MPPED2: variants seen among roughly 807,000 people sequenced by gnomAD.
MPPED2 encodes the protein metallophosphoesterase domain containing 2, also known as metallophosphoesterase MPPED2.
Under a neutral mutation model 33.0 loss-of-function variants are expected in MPPED2, and 5 were observed. The observed-to-expected ratio is 0.15, with a 90% CI of 0.08 to 0.32. The LOEUF is 0.32. Ranked by LOEUF, MPPED2 falls within the 10% of genes least tolerant of loss-of-function variation. The pLI, the probability that MPPED2 is intolerant of heterozygous loss-of-function variation, is 1.00. For missense variants in MPPED2, 275 were observed against 372.1 expected, an observed-to-expected ratio of 0.74 and a Z score of 2.15; for synonymous variants, 136 against 141.9, an observed-to-expected ratio of 0.96 and a Z score of 0.29.
chr11:30,473,068 A>G (rs1337297594), intron 4 of MPPED2, among the ~76,000 whole-genome samples: 1 of 152,214 alleles, frequency 6.6e-6, no homozygotes, highest in African/African-American at 2.4e-5. Context: ...GGTTAAAAAA[A>G]GTTTAAAAGC....
At chr11:30,531,428 G>A (rs1259180237) in intron 3 of MPPED2, among the ~76,000 whole-genome samples, 1 of 152,156 alleles carries the variant, frequency 6.6e-6, no homozygotes. Context: ...TCTGATATAG[G>A]GATTCAAAGT....
At chr11:30,511,206 CCA>C (rs1434502515) in intron 3 of MPPED2, among the ~76,000 whole-genome samples, 2 of 152,112 alleles carry the variant, frequency 1.3e-5, no homozygotes, top group Non-Finnish European at 2.9e-5. Flanking sequence ...CATGAAATGA[CCA>C]CAGTCTTTCT....
downstream of MPPED2, among the ~76,000 whole-genome samples, chr11:30,408,503 G>A (rs904442134): frequency 6.6e-6 from 1 of 152,080 alleles, no homozygotes; most frequent in African/African-American, 2.4e-5. Context: ...GTAGAGACGG[G>A]GTTTCACCAT....
intron 4 of MPPED2, among the ~76,000 whole-genome samples, chr11:30,439,664 A>G (rs2133889465): frequency 6.6e-6 from 1 of 152,358 alleles, no homozygotes; most frequent in Non-Finnish European, 1.5e-5. Flanking sequence ...TAAGCATACT[A>G]TATAATACAT....
intron 3 of MPPED2, among the ~76,000 whole-genome samples, chr11:30,516,527 A>G (rs1344940482): frequency 6.6e-6 from 1 of 152,218 alleles, no homozygotes; most frequent in East Asian, 1.9e-4. Context: ...AGCAGGAGGC[A>G]CGGCTTAGGA....
intron 4 of MPPED2, among the ~76,000 whole-genome samples, chr11:30,441,885 C>A (rs186085049): frequency 6.6e-6 from 1 of 152,266 alleles, no homozygotes; most frequent in African/African-American, 2.4e-5. Flanking sequence ...TATTCACAAC[C>A]CATGAAACTG....
chr11:30,436,782 C>A (rs150966380), intron 4 of MPPED2, among the ~76,000 whole-genome samples: 1 of 152,096 alleles, frequency 6.6e-6, no homozygotes, highest in African/African-American at 2.4e-5. Context: ...CCCATTAAGT[C>A]CTAGATGGAT....
chr11:30,431,786 T>C (rs745696161), intron 4 of MPPED2, among the ~76,000 whole-genome samples: 1 of 152,264 alleles, frequency 6.6e-6, no homozygotes, highest in Non-Finnish European at 1.5e-5. Context: ...TTCTATATAA[T>C]GTGATATTGA....
chr11:30,528,053 T>C (rs1954300521), intron 3 of MPPED2, among the ~76,000 whole-genome samples: 1 of 152,196 alleles, frequency 6.6e-6, no homozygotes, highest in Admixed American at 6.5e-5. Context: ...GAATTAATAA[T>C]GTTGAAACCA....
chr11:30,514,266 G>T (rs979814691), intron 3 of MPPED2, among the ~76,000 whole-genome samples: 6 of 152,190 alleles, frequency 3.9e-5, no homozygotes, highest in East Asian at 1.9e-4. Flanking sequence ...ATGAAGAAAA[G>T]TCTGTGGATG....
intron 3 of MPPED2, among the ~76,000 whole-genome samples, chr11:30,515,378 G>A (rs529490): frequency 0.79 from 120,209 of 152,110 alleles, 48,155 homozygotes; most frequent in African/African-American, 0.93. Flanking sequence ...ATGAGGACTC[G>A]TCAGTAGAGA....
At chr11:30,464,234 G>A (rs1381972614) in intron 4 of MPPED2, among the ~76,000 whole-genome samples, 1 of 146,424 alleles carries the variant, frequency 6.8e-6, no homozygotes, top group African/African-American at 2.6e-5. Context: ...GTACTAATAA[G>A]TTGTTAATTT....
intron 4 of MPPED2, among the ~76,000 whole-genome samples, chr11:30,455,188 CTGCAATG>C (rs1950229450): frequency 6.6e-6 from 1 of 152,196 alleles, no homozygotes; most frequent in African/African-American, 2.4e-5. Flanking sequence ...CTACATATTG[CTGCAATG>C]ACAGGTGAGC....
intron 4 of MPPED2, among the ~76,000 whole-genome samples, chr11:30,432,960 C>T (rs1027185633): frequency 6.6e-6 from 1 of 152,172 alleles, no homozygotes; most frequent in Non-Finnish European, 1.5e-5. Context: ...TGGAAAAAAG[C>T]CTCTAATCTT....
chr11:30,566,983 C>A lies in MPPED2; in HGVS notation c.128+13263G>T, dbSNP rs575324591. Among the ~76,000 whole-genome samples the A allele has an allele frequency of 4.2e-4, 64 of 152,266 alleles. No homozygotes were observed. In the Middle Eastern group the frequency reaches 0.01, roughly 24 times the overall value. ...TTTAGTGAAGAAGACTGTCAACATT[C>A]TTTTGTGACTCAAAGTTTACGGCCA... On this transcript the variant is annotated intron_variant, in intron 2 of 6. Transcript: ENST00000358117.
chr11:30,401,854 T>TTC (rs1947913001), intron 6 of MPPED2, among the ~76,000 whole-genome samples: 1 of 107,270 alleles, frequency 9.3e-6, no homozygotes. Flanking sequence ...CCAGCTAATT[T>TTC]TTTGTATTTT....
intron 4 of MPPED2, among the ~76,000 whole-genome samples, chr11:30,448,121 T>A (rs1949895352): frequency 6.6e-6 from 1 of 152,208 alleles, no homozygotes; most frequent in Admixed American, 6.5e-5. Flanking sequence ...TGAATGAGCA[T>A]CATTTCTTGG....
Position 30,563,783 on chromosome 11 carries a change from G to T in MPPED2, c.128+16463C>A, listed in dbSNP as rs143298043. Among the ~76,000 whole-genome samples the T allele has an allele frequency of 3.6e-3, 553 of 152,324 alleles. 1 individual carries two copies. Among genetic ancestry groups the T allele is most frequent in the African/African-American group, 0.011 (444 of 41,570 alleles). On this transcript the variant is annotated intron_variant, in intron 2 of 6. Coordinates refer to ENST00000358117, the MANE Select transcript of MPPED2 (RefSeq NM_001584.3). ...AATTTGTTACTGAATCATGGACAAG[G>T]CAGAGGATTCAAGATCAGCCAGCAT...
At chr11:30,550,481 T>C (rs1405149291) in intron 2 of MPPED2, among the ~76,000 whole-genome samples, 1 of 152,220 alleles carries the variant, frequency 6.6e-6, no homozygotes, top group Non-Finnish European at 1.5e-5. Context: ...TCAGGAATTT[T>C]GATGGGAGTT....
Sources: allele counts gnomAD v4.1 joint callset (sites outside exome capture counted in the v4.1 genomes callset), GRCh38; gene constraint gnomAD v4.1.1; transcripts MANE v1.5; gene names NCBI Gene and HGNC (gene_info 2026-07-23, HGNC 2026-07-21).